The following INPP4B variants were observed in gnomAD, a reference collection of about 807,000 sequenced individuals.
INPP4B encodes inositol polyphosphate 4-phosphatase type II.
INPP4B carries 55 observed loss-of-function variants against 122.5 expected under a neutral mutation model. The ratio of observed to expected loss-of-function variants is 0.45; its 90% CI spans 0.36 to 0.56. The LOEUF (loss-of-function observed/expected upper bound fraction) is 0.56. Ranked by LOEUF, INPP4B falls within the 20% of genes least tolerant of loss-of-function variation. The probability of loss-of-function intolerance (pLI) is 0.00; values close to 1 mark genes in which losing one functional copy is unlikely to be tolerated. For synonymous variants in INPP4B, 403 were observed against 388.7 expected (o/e 1.04, Z -0.43); for missense variants, 1,000 against 1,097.7 (o/e 0.91, Z 1.26).
chr4:142,247,126 G>A (rs189583382), intron 11 of INPP4B, among the ~76,000 whole-genome samples: 5 of 152,252 alleles, frequency 3.3e-5, no homozygotes, highest in East Asian at 1.9e-4. Context: ...AACCAGCCTC[G>A]CATCCCAAGG....
At chr4:142,455,923 A>G (rs527456307) in intron 3 of INPP4B, among the ~76,000 whole-genome samples, 6 of 152,140 alleles carry the variant, frequency 3.9e-5, no homozygotes, top group African/African-American at 1.2e-4. Context: ...GTACCTTTTC[A>G]TATACTTGTT....
At chr4:142,504,798 A>G (rs938107756) in intron 2 of INPP4B, among the ~76,000 whole-genome samples, 1 of 152,188 alleles carries the variant, frequency 6.6e-6, no homozygotes, top group Non-Finnish European at 1.5e-5. Flanking sequence ...TACAAATCAC[A>G]TAAACATATT....
intron 7 of INPP4B, among the ~76,000 whole-genome samples, chr4:142,358,678 G>A (rs898867901): frequency 1.4e-5 from 2 of 144,492 alleles, no homozygotes; most frequent in African/African-American, 2.5e-5. Context: ...AAAACTCCCA[G>A]GTGATTCCAG....
intron 14 of INPP4B, among the ~76,000 whole-genome samples, chr4:142,200,788 TCTTCAGTTTTGAA>T (rs1456986508): frequency 6.6e-6 from 1 of 151,982 alleles, no homozygotes; most frequent in Non-Finnish European, 1.5e-5. Flanking sequence ...CCCCAAATAT[TCTTCAGTTTTGAA>T]CTTCATAGAA....
chr4:142,642,597 T>C (rs1750762126), intron 2 of INPP4B, among the ~76,000 whole-genome samples: 1 of 152,224 alleles, frequency 6.6e-6, no homozygotes, highest in Non-Finnish European at 1.5e-5. Flanking sequence ...GTATTATTTC[T>C]GAGGACTTTG....
chr4:142,450,984 CA>C (rs143076692), intron 3 of INPP4B, among the ~76,000 whole-genome samples: 15 of 150,810 alleles, frequency 9.9e-5, no homozygotes, highest in African/African-American at 3.7e-4. Flanking sequence ...CTCCCCCCCC[CA>C]AAAAAAGTAT....
intron 2 of INPP4B, among the ~76,000 whole-genome samples, chr4:142,489,540 T>C (rs1463614766): frequency 3.3e-5 from 5 of 152,028 alleles, no homozygotes; most frequent in African/African-American, 1.2e-4. Context: ...ATTACAGGTA[T>C]GTGCCACTAC....
intron 2 of INPP4B, among the ~76,000 whole-genome samples, chr4:142,463,782 C>T (rs1047825836): frequency 1.3e-5 from 2 of 152,090 alleles, no homozygotes; most frequent in Admixed American, 1.3e-4. Context: ...CTGTGCTTCT[C>T]CTTGCTGCCA....
chr4:142,593,012 G>A (rs1737851010), intron 2 of INPP4B, among the ~76,000 whole-genome samples: 1 of 151,940 alleles, frequency 6.6e-6, no homozygotes, highest in Admixed American at 6.6e-5. Context: ...GCTGAGACGG[G>A]AGGATCACTT....
intron 1 of INPP4B, among the ~76,000 whole-genome samples, chr4:142,749,188 A>G (rs1011007027): frequency 1.1e-4 from 16 of 147,114 alleles, no homozygotes; most frequent in African/African-American, 4.0e-4. Flanking sequence ...CTTACCATAT[A>G]TAATATATAT....
chr4:142,507,206 C>T (rs919369579), intron 2 of INPP4B, among the ~76,000 whole-genome samples: 1 of 152,090 alleles, frequency 6.6e-6, no homozygotes, highest in Non-Finnish European at 1.5e-5. Context: ...ACAGTGAGAT[C>T]CTTCAGGATG....
intron 2 of INPP4B, among the ~76,000 whole-genome samples, chr4:142,611,305 G>C (rs558038423): frequency 1.3e-5 from 2 of 152,222 alleles, no homozygotes; most frequent in African/African-American, 2.4e-5. Context: ...CTCCAGCCAG[G>C]TTCCGCCTCC....
At chr4:142,783,799 A>G (rs973532249) in intron 1 of INPP4B, among the ~76,000 whole-genome samples, 2 of 152,128 alleles carry the variant, frequency 1.3e-5, no homozygotes, top group Admixed American at 1.3e-4. Context: ...CCAATTATTG[A>G]GGTGGGTTAA....
At chr4:142,780,798 G>A (rs56095249) in intron 1 of INPP4B, among the ~76,000 whole-genome samples, 4,556 of 151,720 alleles carry the variant, frequency 0.03, 82 homozygotes, top group Non-Finnish European at 0.041. Flanking sequence ...ACACCGTCTC[G>A]AAACAGAAAA....
At chr4:142,617,754 G>T (rs1340273685) in intron 2 of INPP4B, among the ~76,000 whole-genome samples, 2 of 152,060 alleles carry the variant, frequency 1.3e-5, no homozygotes, top group Non-Finnish European at 2.9e-5. Flanking sequence ...CTAAAAAATA[G>T]TTACAATATA....
chr4:142,579,875 GTAGGTAGA>G lies in INPP4B; in HGVS notation c.-190-117157_-190-117150del, dbSNP rs1376605262. ...GATGAATGGATAGATAGATAGATAG[GTAGGTAGA>G]TAGATAGATAGATAGATAGATAGAT... On this transcript the variant is annotated intron_variant, in intron 2 of 25. Coordinates refer to ENST00000262992, the MANE Select transcript of INPP4B (RefSeq NM_001101669.3). 4.0e-5 allele frequency among the ~76,000 whole-genome samples: 4 copies of G among 99,112 alleles called. No individual in the cohort carries two copies. In the East Asian group the frequency reaches 1.6e-3, roughly 39 times the overall value. 65.0% of individuals were successfully genotyped at this position (99,112 alleles called of 152,430 possible). A position where few individuals can be genotyped will look rare whatever the true frequency, so the allele number is the denominator to read the frequency against.
chr4:142,815,861 G>T (rs28681335), intron 1 of INPP4B, among the ~76,000 whole-genome samples: 2,200 of 152,212 alleles, frequency 0.014, 64 homozygotes, highest in African/African-American at 0.05. Flanking sequence ...TCTTCCATAG[G>T]TAGTTATTAA....
intron 2 of INPP4B, among the ~76,000 whole-genome samples, chr4:142,720,731 C>CATATATATATATACATATATACATAA (rs1553997283): frequency 4.7e-5 from 1 of 21,162 alleles, no homozygotes; most frequent in African/African-American, 1.4e-4. Flanking sequence ...TATATATATA[C>CATATATATATATACATATATACATAA]ATATATATAT....
chr4:142,479,222 C>T (rs1344288647), intron 2 of INPP4B, among the ~76,000 whole-genome samples: 1 of 152,132 alleles, frequency 6.6e-6, no homozygotes, highest in Non-Finnish European at 1.5e-5. Flanking sequence ...AAATGCTCCA[C>T]ATCATTAATT....
Sources: allele counts gnomAD v4.1 joint callset (sites outside exome capture counted in the v4.1 genomes callset), GRCh38; gene constraint gnomAD v4.1.1; transcripts MANE v1.5; gene names NCBI Gene and HGNC (gene_info 2026-07-23, HGNC 2026-07-21).